The following STXBP6 variants were observed in gnomAD, a reference collection of about 807,000 sequenced individuals.
STXBP6 encodes syntaxin binding protein 6, also known as syntaxin-binding protein 6.
STXBP6 carries 21 observed loss-of-function variants against 26.9 expected under a neutral mutation model. That is an observed-to-expected ratio of 0.78 (90% confidence interval 0.55 to 1.12). The LOEUF is 1.12. Ranked by LOEUF, STXBP6 falls within the 50% of genes most tolerant of loss-of-function variation. The probability of loss-of-function intolerance (pLI) is 0.00; values close to 1 mark genes in which losing one functional copy is unlikely to be tolerated. For synonymous variants in STXBP6, 97 were observed against 92.6 expected (o/e 1.05, Z -0.27); for missense variants, 232 against 257.9 (o/e 0.90, Z 0.69).
intron 2 of STXBP6, among the ~76,000 whole-genome samples, chr14:24,932,079 C>A (rs1042710966): frequency 1.3e-5 from 2 of 152,060 alleles, no homozygotes; most frequent in Non-Finnish European, 2.9e-5. Context: ...AGCCACAGCA[C>A]CCACATTTGG....
intron 2 of STXBP6, among the ~76,000 whole-genome samples, chr14:24,960,377 T>TA (rs2073490947): frequency 6.6e-6 from 1 of 152,144 alleles, no homozygotes; most frequent in Non-Finnish European, 1.5e-5. Flanking sequence ...CTCCCTTCAA[T>TA]AAAAAATTTA....
intron 4 of STXBP6, among the ~76,000 whole-genome samples, chr14:24,844,525 C>T (rs1227714759): frequency 6.6e-6 from 1 of 151,996 alleles, no homozygotes; most frequent in Non-Finnish European, 1.5e-5. Context: ...TAGTTAGTGC[C>T]AGAACTGGAT....
intron 2 of STXBP6, among the ~76,000 whole-genome samples, chr14:24,879,365 T>C (rs2070267766): frequency 6.6e-6 from 1 of 152,134 alleles, no homozygotes; most frequent in African/African-American, 2.4e-5. Context: ...ATGTAAAGAG[T>C]TTTGTACCCC....
At chr14:25,042,033 CTTTG>C (rs1271279082) in intron 1 of STXBP6, among the ~76,000 whole-genome samples, 6 of 152,274 alleles carry the variant, frequency 3.9e-5, no homozygotes, top group South Asian at 2.1e-4. Flanking sequence ...GCACTTGTGG[CTTTG>C]TTTAATTCTT....
intron 4 of STXBP6, among the ~76,000 whole-genome samples, chr14:24,834,058 C>T (rs78935765): frequency 0.026 from 3,892 of 152,088 alleles, 187 homozygotes; most frequent in East Asian, 0.21. Flanking sequence ...TGCAGTGGCA[C>T]GATCATGGCT....
chr14:25,004,075 T>A (rs563356958), intron 1 of STXBP6, among the ~76,000 whole-genome samples: 14 of 152,274 alleles, frequency 9.2e-5, no homozygotes, highest in African/African-American at 2.9e-4. Context: ...ACCAGACAAG[T>A]TGACATTAAC....
chr14:24,828,447 T>C (rs933422254), intron 4 of STXBP6, among the ~76,000 whole-genome samples: 1 of 152,192 alleles, frequency 6.6e-6, no homozygotes, highest in African/African-American at 2.4e-5. Flanking sequence ...TTGATTATAA[T>C]TGGATGCTTT....
At chr14:24,832,389 C>T (rs1271222195) in intron 4 of STXBP6, among the ~76,000 whole-genome samples, 1 of 152,184 alleles carries the variant, frequency 6.6e-6, no homozygotes, top group Non-Finnish European at 1.5e-5. Context: ...GAGAACCTCA[C>T]CTCATAGACA....
intron 1 of STXBP6, among the ~76,000 whole-genome samples, chr14:25,031,533 T>C (rs1348180229): frequency 6.6e-6 from 1 of 152,196 alleles, no homozygotes; most frequent in East Asian, 1.9e-4. Context: ...ACTACTCCTC[T>C]GTTTCAACTA....
chr14:24,969,033 C>A (rs2073821274), intron 2 of STXBP6, among the ~76,000 whole-genome samples: 1 of 152,062 alleles, frequency 6.6e-6, no homozygotes, highest in Non-Finnish European at 1.5e-5. Context: ...CCTAGGGCTG[C>A]CAATCACTGA....
In STXBP6 at chr14:25,012,210, A is replaced by G. The variant is rs191153672; in HGVS notation, c.-32-37360T>C. Among the ~76,000 whole-genome samples, 10 of 152,358 alleles carry G rather than the reference A, an allele frequency of 6.6e-5. No individual in the cohort carries two copies. In the East Asian group the frequency reaches 1.7e-3, roughly 26 times the overall value. On this transcript the variant is annotated intron_variant, in intron 1 of 5. Coordinates refer to ENST00000323944, the MANE Select transcript of STXBP6 (RefSeq NM_001394410.1). ...AAGTGATTATATGTATGTAGCATGA[A>G]ACATAAAAGATGAGCCTAGAATAGT...
chr14:24,857,299 T>G, intron 2 of STXBP6, 142 bp from the exon 3 acceptor site: 6 of 1,043,602 alleles, frequency 5.7e-6, no homozygotes, highest in Non-Finnish European at 8.4e-6. Flanking sequence ...GGAATATGAA[T>G]AAATATGTGT....
intron 2 of STXBP6, among the ~76,000 whole-genome samples, chr14:24,931,367 C>G (rs1050473820): frequency 5.6e-4 from 85 of 151,872 alleles, no homozygotes; most frequent in African/African-American, 2.0e-3. Context: ...CACATGTACC[C>G]TAGAACTTAA....
At position 24,969,631 on chromosome 14, in the gene STXBP6, C is replaced by T. The variant is rs547967665; in HGVS notation, c.154+5034G>A. Among the ~76,000 whole-genome samples, 19 of 152,332 alleles carry T rather than the reference C, an allele frequency of 1.2e-4. No homozygotes were observed. In the East Asian group the frequency reaches 3.1e-3, roughly 25 times the overall value. On this transcript the variant is annotated intron_variant, in intron 2 of 5. Transcript: ENST00000323944. ...CTCAAATACATTTTCCATTAAGCAT[C>T]TATTGTCCCTATTGAGCAATGTGCT...
chr14:24,993,412 A>C (rs1474186775), intron 1 of STXBP6, among the ~76,000 whole-genome samples: 2 of 151,968 alleles, frequency 1.3e-5, no homozygotes, highest in Non-Finnish European at 2.9e-5. Flanking sequence ...CTACTTTCTA[A>C]ATCCCTCCAC....
chr14:24,863,015 GT>G (rs1240760179), intron 2 of STXBP6, among the ~76,000 whole-genome samples: 3 of 152,044 alleles, frequency 2.0e-5, no homozygotes, highest in Non-Finnish European at 4.4e-5. Flanking sequence ...TTAAAATCTA[GT>G]CCCTTTTAAT....
At chr14:24,944,963 T>C (rs2072929983) in intron 2 of STXBP6, among the ~76,000 whole-genome samples, 1 of 152,030 alleles carries the variant, frequency 6.6e-6, no homozygotes, top group Non-Finnish European at 1.5e-5. Flanking sequence ...TACTTCCTGT[T>C]GGCAACATGA....
intron 5 of STXBP6, among the ~76,000 whole-genome samples, chr14:24,813,042 C>G (rs921764929): frequency 6.6e-6 from 1 of 152,144 alleles, no homozygotes; most frequent in Admixed American, 6.5e-5. Context: ...AACCAATGGA[C>G]AGGCAGAATG....
rs148750944 is a variant in STXBP6 at position 24,840,916 on chromosome 14, T to C, written c.451+15020A>G. The stretch of plus-strand genomic sequence containing the variant: ...AACTTTAGCATGGATTAACTATCCA[T>C]TGAACATACAGCATGTATTCCTTAT... On this transcript the variant is annotated intron_variant, in intron 4 of 5. Transcript: ENST00000323944. 5.3e-5 allele frequency among the ~76,000 whole-genome samples: 8 copies of C among 152,340 alleles called. No homozygotes were observed. The East Asian group carries it at 5.8e-4, about 11-fold the overall frequency.
Sources: gnomAD v4.1 joint callset for allele counts (sites outside exome capture counted in the v4.1 genomes callset) on GRCh38, gnomAD v4.1.1 for gene constraint, MANE v1.5 for transcripts, NCBI Gene and HGNC (gene_info 2026-07-23, HGNC 2026-07-21) for gene names.